The following BCL6 variants were observed in gnomAD, a reference collection of about 807,000 sequenced individuals.
The protein encoded by BCL6 is BCL6 transcription repressor, also known as B-cell lymphoma 6 protein.
In BCL6, 7 loss-of-function variants were observed where a neutral mutation model predicts 59.5. The ratio of observed to expected loss-of-function variants is 0.12; its 90% confidence interval spans 0.07 to 0.22. The LOEUF (loss-of-function observed/expected upper bound fraction) is 0.22. Among genes scored for constraint, BCL6 ranks in the 10% least tolerant of loss-of-function variants. The pLI is 1.00. For synonymous variants in BCL6, 339 were observed against 349.7 expected, an observed-to-expected ratio of 0.97 and a Z score of 0.34; for missense variants, 685 against 939.4, an observed-to-expected ratio of 0.73 and a Z score of 3.54.
chr3:187,745,127 A>C (rs55921632), intron 1 of BCL6, among the ~76,000 whole-genome samples: 3 of 152,210 alleles, frequency 2.0e-5, no homozygotes, highest in Admixed American at 1.3e-4. Context: ...CAACAATAAT[A>C]ATAATAAATA....
Position 187,729,624 on chromosome 3 carries a change from G to C in BCL6, c.781C>G (p.Pro261Ala), listed in dbSNP as rs1405489754. 1.9e-6 allele frequency: 3 copies of C among 1,614,008 alleles called. No homozygotes were observed. Among genetic ancestry groups the C allele is most frequent in the Non-Finnish European group, 2.5e-6 (3 of 1,180,040 alleles). ...GCCTCTTCTGGGATTGTTTCCTTGG[G>C]TGAATAGATATTGCTGTGGCACACA... ...PNVCHSNIYS[P>A]KETIPEEARS... Residue 261 changes from proline to alanine, a missense_variant, in exon 5 of 10, where the codon CCC (proline) becomes GCC (alanine). Physicochemically the swap from Pro to Ala is conservative, Grantham distance 27. Around this residue, in one of 7 missense-constraint regions of BCL6, gnomAD observed 268 missense variants for 263.8 expected, o/e 1.02. Coordinates refer to ENST00000406870, the MANE Select transcript of BCL6 (RefSeq NM_001706.5). This position sits in a 1 kb window ranked among gnomAD's most constrained non-coding sequence, Gnocchi z 5.6.
intron 5 of BCL6, among the ~76,000 whole-genome samples, chr3:187,728,747 C>T (rs899646722): frequency 2.0e-5 from 3 of 152,120 alleles, no homozygotes; most frequent in African/African-American, 4.8e-5. Context: ...AGAGCTTCCC[C>T]GCAGCCCACA....
In BCL6 at chr3:187,726,917, G is replaced by A; in HGVS notation, c.1541-19C>T. Reference sequence around the variant, plus strand: ...CCGTTCTCTGTTGGAGGGTGGTAGGGGGACACCAAAGTCAGCACGAGGAAG... The same window carrying A: ...CCGTTCTCTGTTGGAGGGTGGTAGGAGGACACCAAAGTCAGCACGAGGAAG... On this transcript the variant is annotated intron_variant, in intron 6 of 9. Coordinates refer to ENST00000406870, the MANE Select transcript of BCL6 (RefSeq NM_001706.5). 1 of 1,613,508 alleles carries A rather than the reference G, an allele frequency of 6.2e-7. No homozygotes were observed. The highest frequency in any genetic ancestry group is 8.5e-7 in the Non-Finnish European group (1 of 1,179,598).
chr3:187,722,833 G>C (rs1056092536), intron 9 of BCL6, among the ~76,000 whole-genome samples: 2 of 152,204 alleles, frequency 1.3e-5, no homozygotes, highest in African/African-American at 4.8e-5. Flanking sequence ...TCCCTTGCTA[G>C]AGACGTCCTT....
At chr3:187,728,836 T>C (rs552012934) in intron 5 of BCL6, among the ~76,000 whole-genome samples, 1 of 152,248 alleles carries the variant, frequency 6.6e-6, no homozygotes, top group South Asian at 2.1e-4. Flanking sequence ...ATTTACAGAA[T>C]GCTATTCTGC....
At chr3:187,724,807 G>T (rs1029720917) in intron 9 of BCL6, 134 bp downstream of exon 9, 6 of 1,259,018 alleles carry the variant, frequency 4.8e-6, no homozygotes, top group Non-Finnish European at 6.6e-6. Context: ...CGTAGTGGTT[G>T]CCCCACTGTG....
intron 1 of BCL6, chr3:187,737,363 GAGAGAGA>G: frequency 7.1e-6 from 1 of 140,668 alleles, no homozygotes; most frequent in East Asian, 2.0e-4. Flanking sequence ...GAGAGAGAGA[GAGAGAGA>G]GAGAGAGAGA....
intron 1 of BCL6, among the ~76,000 whole-genome samples, chr3:187,744,938 G>C: frequency 6.6e-6 from 1 of 152,246 alleles, no homozygotes; most frequent in Middle Eastern, 3.4e-3. Context: ...CCTCTCCGCG[G>C]TCTGGGGCCA....
chr3:187,732,223 C>G (rs1237051758), intron 3 of BCL6: 1 of 426,838 alleles, frequency 2.3e-6, no homozygotes, highest in African/African-American at 2.0e-5. Context: ...AGTCACAGGG[C>G]CTGTTTTCCT....
intron 1 of BCL6, among the ~76,000 whole-genome samples, chr3:187,745,132 TA>T (rs1711871459): frequency 6.6e-6 from 1 of 151,754 alleles, no homozygotes; most frequent in Admixed American, 6.6e-5. Flanking sequence ...ATAATAATAA[TA>T]AATACATAAC....
chr3:187,744,314 A>T (rs542746065), intron 1 of BCL6, among the ~76,000 whole-genome samples: 1 of 151,866 alleles, frequency 6.6e-6, no homozygotes, highest in African/African-American at 2.4e-5. Context: ...TGCAGTGCGC[A>T]CCCCTTTCCC....
intron 1 of BCL6, among the ~76,000 whole-genome samples, chr3:187,744,596 C>G (rs902586390): frequency 6.6e-6 from 1 of 152,124 alleles, no homozygotes; most frequent in African/African-American, 2.4e-5. Context: ...AAACAAAAAC[C>G]CAAAGAGTTC....
chr3:187,736,627 T>C (rs962256806), intron 1 of BCL6: 1 of 152,236 alleles, frequency 6.6e-6, no homozygotes, highest in African/African-American at 2.4e-5. Flanking sequence ...GTGTCCACTG[T>C]CAGCTGGGCC....
intron 3 of BCL6, 74 bp from the exon 4 acceptor site, chr3:187,732,004 C>T: frequency 7.7e-7 from 1 of 1,298,148 alleles, no homozygotes; most frequent in Non-Finnish European, 1.1e-6. Flanking sequence ...CACTGATACT[C>T]AGCCCCTTTC....
At chr3:187,728,026 A>G (rs1030683960) in intron 6 of BCL6, among the ~76,000 whole-genome samples, 3 of 152,216 alleles carry the variant, frequency 2.0e-5, no homozygotes, top group Admixed American at 6.5e-5. Context: ...CACACAGGTC[A>G]GTCCTAGTCA....
At chr3:187,728,600 C>T in intron 5 of BCL6, 56 bp from the exon 6 acceptor site, 4 of 1,528,792 alleles carry the variant, frequency 2.6e-6, no homozygotes, top group South Asian at 1.2e-5. Flanking sequence ...CAAGACCACC[C>T]TCTCCTCCCT....
intron 1 of BCL6, among the ~76,000 whole-genome samples, chr3:187,743,043 A>G (rs1210589098): frequency 2.0e-5 from 3 of 149,580 alleles, no homozygotes; most frequent in Admixed American, 6.6e-5. Flanking sequence ...TAAGTTATTT[A>G]TTAAAACCAC....
rs1396963640 is a variant in BCL6 at position 187,728,340 on chromosome 3, A to T, written c.1540+20T>A. On this transcript the variant is annotated intron_variant, in intron 6 of 9. Transcript: ENST00000406870. ...GGCCTTCCTTCTCCCTGACAAGAGG[A>T]GGGAGGGAAAAGGACTCACCACAGC... 6.4e-7 allele frequency: 1 copy of T among 1,558,688 alleles called. No homozygotes were observed. Among genetic ancestry groups the T allele is most frequent in the African/African-American group, 1.4e-5 (1 of 73,442 alleles).
intron 9 of BCL6, 162 bp downstream of exon 9, chr3:187,724,779 A>T: frequency 9.9e-7 from 1 of 1,015,148 alleles, no homozygotes; most frequent in Non-Finnish European, 1.4e-6. Flanking sequence ...GCCCAGATCT[A>T]GGTCTTCCAA....
Sources: gnomAD v4.1 joint callset for allele counts (sites outside exome capture counted in the v4.1 genomes callset) on GRCh38, gnomAD v4.1.1 for gene constraint, gnomAD v4.1.1 regional missense constraint, Gnocchi (gnomAD v3.1) non-coding constraint, MANE v1.5 for transcripts, NCBI Gene and HGNC (gene_info 2026-07-23, HGNC 2026-07-21) for gene names.